TUBGCP3: variants seen among roughly 807,000 people sequenced by gnomAD.
TUBGCP3 encodes the protein gamma-tubulin complex component 3.
Under a neutral mutation model 123.1 loss-of-function variants are expected in TUBGCP3, and 50 were observed. The observed-to-expected ratio is 0.41, with a 90% confidence interval of 0.32 to 0.51. TUBGCP3 has a LOEUF of 0.51. Ranked by LOEUF, TUBGCP3 falls within the 20% of genes least tolerant of loss-of-function variation. TUBGCP3 has a pLI of 0.36. For missense variants in TUBGCP3, 882 were observed against 1,127.0 expected (o/e 0.78, Z 3.11); for synonymous variants, 405 against 413.9 (o/e 0.98, Z 0.26).
intron 3 of TUBGCP3, among the ~76,000 whole-genome samples, chr13:112,561,945 T>A (rs75805239): frequency 0.012 from 1,877 of 152,178 alleles, 17 homozygotes; most frequent in Middle Eastern, 0.017. Flanking sequence ...AAAGAGCAAG[T>A]ATAAAACACC....
intron 20 of TUBGCP3, among the ~76,000 whole-genome samples, chr13:112,492,142 CAAT>C (rs1426356200): frequency 6.6e-6 from 1 of 152,198 alleles, no homozygotes; most frequent in Non-Finnish European, 1.5e-5. Flanking sequence ...CTAATCTGGG[CAAT>C]AATAATTATT....
chr13:112,550,028 G>C (rs1006691709), intron 8 of TUBGCP3, among the ~76,000 whole-genome samples: 2 of 148,596 alleles, frequency 1.3e-5, no homozygotes, highest in Non-Finnish European at 3.0e-5. Flanking sequence ...ACTGAAAGGA[G>C]TCAGGTCAAA....
intron 1 of TUBGCP3, among the ~76,000 whole-genome samples, chr13:112,577,338 T>G (rs142634172): frequency 6.6e-6 from 1 of 152,300 alleles, no homozygotes; most frequent in East Asian, 1.9e-4. Flanking sequence ...CCATATGATG[T>G]GATGAAAATG....
At chr13:112,506,733 C>T (rs562183270) in intron 17 of TUBGCP3, among the ~76,000 whole-genome samples, 1 of 152,324 alleles carries the variant, frequency 6.6e-6, no homozygotes, top group South Asian at 2.1e-4. Context: ...ACTATAAATA[C>T]GGTCTAAGAT....
At chr13:112,553,101 C>T (rs1055441282) in intron 8 of TUBGCP3, among the ~76,000 whole-genome samples, 1 of 152,182 alleles carries the variant, frequency 6.6e-6, no homozygotes, top group Non-Finnish European at 1.5e-5. Context: ...TGCTCCTCCC[C>T]ACCAGCCACA....
intron 8 of TUBGCP3, among the ~76,000 whole-genome samples, chr13:112,550,864 C>A (rs183433014): frequency 1.3e-5 from 2 of 152,260 alleles, no homozygotes; most frequent in South Asian, 2.1e-4. Context: ...TTTGGGAGGC[C>A]AAGGCGGGCA....
chr13:112,526,597 C>CCAT (rs551568244), intron 13 of TUBGCP3, among the ~76,000 whole-genome samples: 2 of 136,712 alleles, frequency 1.5e-5, no homozygotes, highest in African/African-American at 5.8e-5. Flanking sequence ...CACATCATCA[C>CCAT]CATCATCATC....
intron 13 of TUBGCP3, among the ~76,000 whole-genome samples, chr13:112,526,066 G>A (rs185580595): frequency 8.6e-5 from 13 of 151,830 alleles, no homozygotes; most frequent in African/African-American, 3.1e-4. Flanking sequence ...TATCATCACC[G>A]CTATCACCAT....
chr13:112,579,908 A>C (rs997678226), intron 1 of TUBGCP3, among the ~76,000 whole-genome samples: 3 of 152,264 alleles, frequency 2.0e-5, no homozygotes, highest in African/African-American at 7.2e-5. Context: ...AGCATTATCC[A>C]TAACTGCCAA....
chr13:112,527,624 C>A (rs1217614429), intron 11 of TUBGCP3, 140 bp from the exon 12 acceptor site: 2 of 608,850 alleles, frequency 3.3e-6, no homozygotes, highest in Non-Finnish European at 5.8e-6. Context: ...TACAATAAAA[C>A]TTGTATGAAA....
chr13:112,488,263 G>A (rs1456125411), intron 21 of TUBGCP3, among the ~76,000 whole-genome samples: 1 of 152,018 alleles, frequency 6.6e-6, no homozygotes, highest in African/African-American at 2.4e-5. Context: ...GATGTTGGAG[G>A]GCTGGAGGCT....
At chr13:112,558,490 A>C in intron 4 of TUBGCP3, 77 bp from the exon 5 acceptor site, 1 of 1,269,304 alleles carries the variant, frequency 7.9e-7, no homozygotes, top group Non-Finnish European at 1.1e-6. Context: ...GGTCATTTAT[A>C]TTCAGATTTT....
intron 1 of TUBGCP3, among the ~76,000 whole-genome samples, chr13:112,571,762 A>G (rs1020895981): frequency 1.1e-4 from 16 of 152,202 alleles, no homozygotes; most frequent in South Asian, 2.1e-4. Context: ...ACCTTCCCCA[A>G]TGATCTCAGC....
At position 112,582,887 on chromosome 13, in the gene TUBGCP3, G is replaced by A. The variant is rs151253330; in HGVS notation, c.76+5018C>T. On this transcript the variant is annotated intron_variant, in intron 1 of 21. Coordinates refer to ENST00000261965, the MANE Select transcript of TUBGCP3 (RefSeq NM_006322.6). Reference sequence around the variant, plus strand: ...TGCCTGACCAGAGAGCAGTGCTGCTGAGTTGTACACTCTAAACACAAGAGC... The same window carrying A: ...TGCCTGACCAGAGAGCAGTGCTGCTAAGTTGTACACTCTAAACACAAGAGC... Among the ~76,000 whole-genome samples, 461 of 152,298 alleles carry A rather than the reference G, an allele frequency of 3.0e-3. 1 individual carries two copies. Among genetic ancestry groups the A allele is most frequent in the African/African-American group, 0.01 (431 of 41,558 alleles).
chr13:112,544,700 C>T (rs1878840353), intron 11 of TUBGCP3: 1 of 152,128 alleles, frequency 6.6e-6, no homozygotes, highest in South Asian at 2.1e-4. Context: ...CTACACACAC[C>T]ATCGGGAAAG....
intron 20 of TUBGCP3, among the ~76,000 whole-genome samples, chr13:112,492,960 G>C (rs769143221): frequency 2.0e-5 from 3 of 148,486 alleles, no homozygotes; most frequent in African/African-American, 5.0e-5. Flanking sequence ...TGGTGTGCCT[G>C]AGACACTCTA....
chr13:112,583,411 C>T (rs556183877), intron 1 of TUBGCP3, among the ~76,000 whole-genome samples: 1 of 152,274 alleles, frequency 6.6e-6, no homozygotes, highest in South Asian at 2.1e-4. Flanking sequence ...AGAAAGGACC[C>T]TCTGACTGAA....
At chr13:112,502,542 CTTTT>C (rs10710530) in intron 19 of TUBGCP3, among the ~76,000 whole-genome samples, 1 of 114,368 alleles carries the variant, frequency 8.7e-6, no homozygotes, top group African/African-American at 3.6e-5. Context: ...TACATTTCTT[CTTTT>C]TTTTTTTTTT....
chr13:112,486,648 C>T (rs1879690920), intron 21 of TUBGCP3, among the ~76,000 whole-genome samples: 1 of 152,260 alleles, frequency 6.6e-6, no homozygotes, highest in African/African-American at 2.4e-5. Context: ...CCGCCCTCTT[C>T]ATGGGCACTG....
Sources: gnomAD v4.1 joint callset for allele counts (sites outside exome capture counted in the v4.1 genomes callset) on GRCh38, gnomAD v4.1.1 for gene constraint, MANE v1.5 for transcripts, NCBI Gene and HGNC (gene_info 2026-07-23, HGNC 2026-07-21) for gene names.